The following C12orf76 variants were observed in gnomAD, a reference collection of about 807,000 sequenced individuals.
C12orf76 encodes uncharacterized protein C12orf76.
C12orf76 carries 6 observed loss-of-function variants against 6.8 expected under a neutral mutation model. That is an observed-to-expected ratio of 0.88 (90% CI 0.48 to 1.73). The LOEUF is 1.73. Ranked by LOEUF, C12orf76 falls within the 40% of genes most tolerant of loss-of-function variation. C12orf76 has a pLI of 0.01. For missense variants in C12orf76, 99 were observed against 98.2 expected (o/e 1.01, Z -0.03); for synonymous variants, 56 against 43.7 (o/e 1.28, Z -1.11).
upstream of C12orf76, among the ~76,000 whole-genome samples, chr12:110,069,010 T>C (rs773185400): frequency 6.6e-6 from 1 of 152,240 alleles, no homozygotes; most frequent in Admixed American, 6.5e-5. Context: ...GGTGAGATGA[T>C]AGTAGATAGT....
At chr12:110,049,961 A>C (rs1451137755), upstream of C12orf76, 4 of 152,152 alleles carry the variant, frequency 2.6e-5, no homozygotes, top group African/African-American at 4.8e-5. Context: ...TGAAATCTTT[A>C]GTGCTGTGAG....
chr12:110,067,616 T>C, exon 1 of C12orf76: 14 of 979,036 alleles, frequency 1.4e-5, no homozygotes, highest in Non-Finnish European at 1.7e-5. Context: ...CCTCAGGTGA[T>C]CCACCCACCT....
At chr12:110,072,312 A>G (rs1892968931), upstream of C12orf76, among the ~76,000 whole-genome samples, 2 of 152,242 alleles carry the variant, frequency 1.3e-5, no homozygotes, top group African/African-American at 4.8e-5. Context: ...CAGCTACAAC[A>G]TGGATGAGCA....
chr12:110,068,291 A>AGAAGAAGAT (rs1892910328), upstream of C12orf76, among the ~76,000 whole-genome samples: 1 of 145,292 alleles, frequency 6.9e-6, no homozygotes, highest in South Asian at 2.2e-4. Flanking sequence ...AAGAAGAAGA[A>AGAAGAAGAT]GAAGAAGAAG....
upstream of C12orf76, among the ~76,000 whole-genome samples, chr12:110,069,395 A>C (rs1229386163): frequency 1.3e-5 from 2 of 152,040 alleles, no homozygotes; most frequent in East Asian, 1.9e-4. Flanking sequence ...AGCCGAGATC[A>C]CACCATCGCA....
intron 1 of C12orf76, 99 bp from the exon 2 acceptor site, chr12:110,042,558 C>G: frequency 1.3e-6 from 1 of 779,348 alleles, no homozygotes; most frequent in Non-Finnish European, 2.3e-6. Flanking sequence ...TGCTGCCAGG[C>G]ACTATGTCAA....
rs143832611 is a variant in C12orf76 at position 110,064,261 on chromosome 12, G to A, written n.380+1599C>T. Among the ~76,000 whole-genome samples, 45 of 152,292 alleles carry A rather than the reference G, an allele frequency of 3.0e-4. 1 individual carries two copies. In the East Asian group the frequency reaches 7.0e-3, roughly 24 times the overall value. The stretch of plus-strand genomic sequence containing the variant: ...GTGATTCCTTGTATATGGAAGTGTT[G>A]CCTGGGGCATATTTTTGGAAAGCTT... On this transcript the variant is annotated intron_variant and non_coding_transcript_variant, in intron 2 of 4. Coordinates refer to the C12orf76 transcript ENST00000309050.
intron 2 of C12orf76, among the ~76,000 whole-genome samples, chr12:110,059,344 T>A (rs1214008238): frequency 6.6e-6 from 1 of 152,246 alleles, no homozygotes. Context: ...TTCTTTGCCA[T>A]CTGGATGCCT....
chr12:110,056,985 T>C, intron 4 of C12orf76: 4 of 584,238 alleles, frequency 6.8e-6, no homozygotes, highest in Non-Finnish European at 1.2e-5. Flanking sequence ...AATACATCCA[T>C]CAAGGGGCAC....
At chr12:110,042,837 C>T (rs543940612) in intron 1 of C12orf76, among the ~76,000 whole-genome samples, 1 of 152,094 alleles carries the variant, frequency 6.6e-6, no homozygotes, top group East Asian at 1.9e-4. Context: ...GTGGGTGGAT[C>T]ACTTGAGGTC....
chr12:110,057,344 T>C, intron 3 of C12orf76: 3 of 1,244,232 alleles, frequency 2.4e-6, no homozygotes, highest in Non-Finnish European at 3.5e-6. Flanking sequence ...GCCTCCAAAG[T>C]GAACTGCCCT....
At chr12:110,063,753 A>G (rs1170961508) in intron 2 of C12orf76, among the ~76,000 whole-genome samples, 1 of 151,396 alleles carries the variant, frequency 6.6e-6, no homozygotes, top group Admixed American at 6.6e-5. Flanking sequence ...TCAGGCTCCC[A>G]AGTATTAGCC....
chr12:110,054,683 T>C lies in C12orf76; in HGVS notation n.664+2506A>G, dbSNP rs949229403. On this transcript the variant is annotated intron_variant and non_coding_transcript_variant, in intron 4 of 4. Transcript: ENST00000309050. This position sits in a 1 kb window ranked among gnomAD's most constrained non-coding sequence, Gnocchi z 4.4. The stretch of plus-strand genomic sequence containing the variant: ...AACTGTTCATGTTTACAGTGGTTAA[T>C]TTTGTGTTATATGAACTTCACCCCA... Among the ~76,000 whole-genome samples, 3 of 152,246 alleles carry C rather than the reference T, an allele frequency of 2.0e-5. No individual in the cohort carries two copies. Among genetic ancestry groups the C allele is most frequent in the African/African-American group, 4.8e-5 (2 of 41,480 alleles).
rs545299724 is a variant in C12orf76 at position 110,041,403 on chromosome 12, T to C, written c.*971A>G. The C allele has an allele frequency of 1.3e-5, 2 of 152,718 alleles. No homozygotes were observed. Among genetic ancestry groups the C allele is most frequent in the South Asian group, 2.1e-4 (1 of 4,832 alleles). The allele number at this position is 152,718 out of a possible 1,614,324, so 9.5% of individuals were successfully genotyped here. ...TAAATCTAGCACCTTGAAATAAATA[T>C]TGACGACAGCTTTATAAGTATGAAA... On this transcript the variant is annotated 3_prime_UTR_variant, in exon 2 of 2. Transcript: ENST00000615315.
chr12:110,048,334 C>T (rs1235355642), intron 1 of C12orf76, 29 bp downstream of exon 1: 2 of 1,478,902 alleles, frequency 1.4e-6, no homozygotes, highest in Non-Finnish European at 1.8e-6. Context: ...AGGCACTACC[C>T]GCCGCCCGCC....
At position 110,042,098 on chromosome 12, in the gene C12orf76, A is replaced by G. The variant is rs1369788676; in HGVS notation, c.*276T>C. The G allele has an allele frequency of 1.2e-5, 6 of 496,542 alleles. No homozygotes were observed. The highest frequency in any genetic ancestry group is 9.6e-5 in the African/African-American group (5 of 52,318). 30.8% of individuals were successfully genotyped at this position (496,542 alleles called of 1,614,324 possible). ...ATGTTTTCTTTCTCATGAACACTCC[A>G]TCTTTACACTGACCTTTGGAGCTTT... On this transcript the variant is annotated 3_prime_UTR_variant, in exon 2 of 2. Coordinates refer to ENST00000615315, the MANE Select transcript of C12orf76 (RefSeq NM_001389625.1).
intron 3 of C12orf76, chr12:110,058,845 G>A: frequency 1.1e-6 from 1 of 889,530 alleles, no homozygotes; most frequent in East Asian, 2.8e-5. Flanking sequence ...ACAATTTTTG[G>A]TAACCCTAAT....
At chr12:110,068,520 C>T (rs187539720), upstream of C12orf76, among the ~76,000 whole-genome samples, 69 of 152,288 alleles carry the variant, frequency 4.5e-4, no homozygotes, top group African/African-American at 1.2e-3. Context: ...TCACTTACTG[C>T]GCAAACAATC....
intron 1 of C12orf76, among the ~76,000 whole-genome samples, chr12:110,066,454 G>A (rs950630372): frequency 1.3e-4 from 19 of 147,356 alleles, no homozygotes; most frequent in African/African-American, 2.8e-4. Flanking sequence ...TTGGGAGGCC[G>A]AGGCCAGCAG....
Sources: gnomAD v4.1 joint callset for allele counts (sites outside exome capture counted in the v4.1 genomes callset) on GRCh38, gnomAD v4.1.1 for gene constraint, Gnocchi (gnomAD v3.1) non-coding constraint, MANE v1.5 for transcripts, NCBI Gene and HGNC (gene_info 2026-07-23, HGNC 2026-07-21) for gene names.